Variants in SQSTM1 observed in about 807,000 individuals in gnomAD.
The protein encoded by SQSTM1 is sequestosome-1.
A neutral mutation model predicts 45.1 loss-of-function variants in SQSTM1; 36 were observed. That is an observed-to-expected ratio of 0.80 (90% confidence interval 0.61 to 1.05). SQSTM1 has a LOEUF of 1.05. Among genes scored for constraint, SQSTM1 ranks in the 50% least tolerant of loss-of-function variants. SQSTM1 has a pLI of 0.00. For missense variants in SQSTM1, 617 were observed against 607.1 expected (o/e 1.02, Z -0.17); for synonymous variants, 290 against 244.3 (o/e 1.19, Z -1.74).
rs1455632031 is a variant in SQSTM1 at position 179,836,426 on chromosome 5, G to C, written c.1166-10G>C. The C allele has an allele frequency of 6.2e-7, 1 of 1,614,162 alleles. No individual in the cohort carries two copies. Among genetic ancestry groups the C allele is most frequent in the Non-Finnish European group, 8.5e-7 (1 of 1,180,036 alleles). ...CACCACTCCTCATGGCTTCCTTACT[G>C]TTTCGGCAGAGGCTGACCCGCGGCT... On this transcript the variant is annotated splice_polypyrimidine_tract_variant and intron_variant, in intron 7 of 7. Coordinates refer to ENST00000389805, the MANE Select transcript of SQSTM1 (RefSeq NM_003900.5).
At position 179,833,035 on chromosome 5, in the gene SQSTM1, T is replaced by C. The variant is rs753016349; in HGVS notation, c.758T>C (p.Ile253Thr). The change falls in exon 6 of 8, where the codon ATT (isoleucine) becomes ACT (threonine). Residue 253 changes from isoleucine (I) to threonine (T), a missense_variant. By Grantham distance (89) the Ile-to-Thr change is moderately conservative (BLOSUM62 -1). Transcript: ENST00000389805. ...SVAAALSPLGIEVDIDVEHGG... is the reference protein window; with the variant it reads ...SVAAALSPLGTEVDIDVEHGG... ...CTCTTTCCTCCTCCGCCTCTAGGCA[T>C]TGAAGTTGATATCGATGTGGAGCAC... is the stretch of plus-strand genomic sequence containing the variant. The C allele has an allele frequency of 6.2e-6, 10 of 1,614,028 alleles. No homozygotes were observed. The highest frequency in any genetic ancestry group is 2.2e-5 in the East Asian group (1 of 44,872).
chr5:179,812,274 G>A (rs1393294158), intron 2 of SQSTM1: 2 of 152,208 alleles, frequency 1.3e-5, no homozygotes, highest in African/African-American at 4.8e-5. Context: ...TGGGTGCCTC[G>A]GGCTCCTTCC....
upstream of SQSTM1, among the ~76,000 whole-genome samples, chr5:179,817,137 G>T (rs930319209): frequency 6.6e-6 from 1 of 152,136 alleles, no homozygotes; most frequent in Admixed American, 6.5e-5. Context: ...TCGCCGCTCG[G>T]GTGGGGTGGG....
At chr5:179,822,301 G>A (rs1327579055) in intron 1 of SQSTM1, among the ~76,000 whole-genome samples, 1 of 152,154 alleles carries the variant, frequency 6.6e-6, no homozygotes, top group South Asian at 2.1e-4. Flanking sequence ...GTGTGGACAG[G>A]CCATGTTTTG....
chr5:179,806,507 G>T lies in SQSTM1; in HGVS notation c.-241G>T. ...CTCACCTTTCTGGCCGCTGAGTGCC[G>T]CGTACCAGGACAGCGAGAGGAAGGC... On this transcript the variant is annotated 5_prime_UTR_variant, in exon 1 of 6. Transcript: ENST00000514093. This position sits in a 1 kb window ranked among gnomAD's most constrained non-coding sequence, Gnocchi z 4.6. 7.5e-7 allele frequency: 1 copy of T among 1,325,718 alleles called. No homozygotes were observed. Among genetic ancestry groups the T allele is most frequent in the Non-Finnish European group, 9.9e-7 (1 of 1,012,436 alleles). The allele number at this position is 1,325,718 out of a possible 1,614,324, so 82.1% of individuals were successfully genotyped here. A position where few individuals can be genotyped will look rare whatever the true frequency, so the allele number is the denominator to read the frequency against.
At chr5:179,832,731 T>C (rs960686355) in intron 5 of SQSTM1, among the ~76,000 whole-genome samples, 1 of 152,196 alleles carries the variant, frequency 6.6e-6, no homozygotes, top group African/African-American at 2.4e-5. Flanking sequence ...TCCAGTATCA[T>C]GGGCCCACCA....
Position 179,821,752 on chromosome 5 carries a change from C to T in SQSTM1, c.205+611C>T, listed in dbSNP as rs553620900. ...CCATTGGCAAGTGGACGAGAACGTT[C>T]TTCAGAAGTGTTGGTGTTGGCACAG... On this transcript the variant is annotated intron_variant, in intron 1 of 7. Transcript: ENST00000389805. 118 of 326,666 alleles carry T rather than the reference C, an allele frequency of 3.6e-4. 1 individual carries two copies. Among genetic ancestry groups the T allele is most frequent in the African/African-American group, 1.8e-3 (79 of 43,360 alleles). The allele number at this position is 326,666 out of a possible 1,614,324, so 20.2% of individuals were successfully genotyped here.
chr5:179,822,847 T>G, intron 1 of SQSTM1, 111 bp from the exon 2 acceptor site: 2 of 905,492 alleles, frequency 2.2e-6, no homozygotes, highest in Non-Finnish European at 3.6e-6. Context: ...GTAGGTGTGT[T>G]TGTTTATAGC....
Position 179,837,905 on chromosome 5 carries a change from T to G in SQSTM1, c.*1312T>G. 1.3e-6 allele frequency: 2 copies of G among 1,595,110 alleles called. No individual in the cohort carries two copies. Among genetic ancestry groups the G allele is most frequent in the South Asian group, 1.1e-5 (1 of 90,732 alleles). On this transcript the variant is annotated 3_prime_UTR_variant, in exon 8 of 8. Coordinates refer to ENST00000389805, the MANE Select transcript of SQSTM1 (RefSeq NM_003900.5). ...CTGTCCCTGAAAGAGAAGATGGCCA[T>G]GCCCTCCATGTGTAAGAACAATGCC... is the stretch of plus-strand genomic sequence containing the variant.
At chr5:179,824,458 A>T (rs1023972667) in intron 4 of SQSTM1, 135 bp downstream of exon 4, 1 of 1,327,756 alleles carries the variant, frequency 7.5e-7, no homozygotes, top group Non-Finnish European at 1.1e-6. Context: ...CTACAATCAC[A>T]CAAGAACCCT....
At position 179,834,051 on chromosome 5, in the gene SQSTM1, C is replaced by T. The variant is rs74992138; in HGVS notation, c.1165+269C>T. 1.1e-3 allele frequency among the ~76,000 whole-genome samples: 168 copies of T among 151,504 alleles called. No homozygotes were observed. In the Middle Eastern group the frequency reaches 0.014, roughly 12 times the overall value. ...AATTGTAGGAGTTTCTAAAACTTAACATGCAGACCAGGAATTAAGGCAGGT... is the reference window on the plus strand; with the variant it reads ...AATTGTAGGAGTTTCTAAAACTTAATATGCAGACCAGGAATTAAGGCAGGT... On this transcript the variant is annotated intron_variant, in intron 7 of 7. Transcript: ENST00000389805.
At chr5:179,822,743 T>C in intron 1 of SQSTM1, 1 of 624,766 alleles carries the variant, frequency 1.6e-6, no homozygotes, top group Non-Finnish European at 3.0e-6. Context: ...TGCATGTGGC[T>C]GTGGTCCAGG....
Position 179,807,122 on chromosome 5 carries a change from A to T in SQSTM1, c.-157+531A>T, listed in dbSNP as rs59066892. ...GCGTGGGCTCGTGCGAGTCGGCCTC[A>T]GGTAAGGCTGGAGTGGGAGTGCAGG... On this transcript the variant is annotated intron_variant, in intron 1 of 5. Coordinates refer to the SQSTM1 transcript ENST00000514093. Among the ~76,000 whole-genome samples, 12,793 of 147,908 alleles carry T rather than the reference A, an allele frequency of 0.086. 762 individuals are homozygous for T. Among genetic ancestry groups the T allele is most frequent in the Admixed American group, 0.18 (2,649 of 15,076 alleles).
At position 179,822,979 on chromosome 5, in the gene SQSTM1, C is replaced by G; in HGVS notation, c.227C>G (p.Ala76Gly). Reference sequence around the variant, plus strand: ...CTAGATGAGGACGGGGACTTGGTTGCCTTTTCCAGTGACGAGGAATTGACA... The same window carrying G: ...CTAGATGAGGACGGGGACTTGGTTGGCTTTTCCAGTGACGAGGAATTGACA... ...HYRDEDGDLVAFSSDEELTMA... is the reference protein window; with the variant it reads ...HYRDEDGDLVGFSSDEELTMA... The change falls in exon 2 of 8, where the codon GCC becomes GGC. Residue 76 changes from alanine to glycine, a missense_variant. By Grantham distance (60) the Ala-to-Gly change is moderately conservative. Coordinates refer to ENST00000389805, the MANE Select transcript of SQSTM1 (RefSeq NM_003900.5). 1 of 1,614,122 alleles carries G rather than the reference C, an allele frequency of 6.2e-7. No individual in the cohort carries two copies. The highest frequency in any genetic ancestry group is 8.5e-7 in the Non-Finnish European group (1 of 1,180,022).
At chr5:179,824,153 G>A (rs1393613381) in intron 3 of SQSTM1, 29 bp from the exon 4 acceptor site, 1 of 1,613,554 alleles carries the variant, frequency 6.2e-7, no homozygotes, top group Admixed American at 1.7e-5. Flanking sequence ...CCCGCTCACT[G>A]CCTGCCGCTC....
At chr5:179,827,498 A>T (rs919733362) in intron 5 of SQSTM1, among the ~76,000 whole-genome samples, 2 of 151,762 alleles carry the variant, frequency 1.3e-5, no homozygotes, top group African/African-American at 4.8e-5. Flanking sequence ...GTTGGCCAGG[A>T]TGGTCTCGAT....
At chr5:179,812,609 A>G (rs1757461452) in intron 2 of SQSTM1, 2 of 152,200 alleles carry the variant, frequency 1.3e-5, no homozygotes, top group African/African-American at 4.8e-5. Context: ...TGTCGAGGCC[A>G]TTTTTGGCCC....
At chr5:179,819,677 C>T (rs1004810401), upstream of SQSTM1, among the ~76,000 whole-genome samples, 3 of 152,244 alleles carry the variant, frequency 2.0e-5, no homozygotes, top group Non-Finnish European at 2.9e-5. Flanking sequence ...AAGGCAGTGG[C>T]TCCAGCAGGC....
At chr5:179,820,894 C>G (rs775932317), upstream of SQSTM1, 13 of 1,451,502 alleles carry the variant, frequency 9.0e-6, no homozygotes, top group Admixed American at 2.3e-5. Context: ...CGCGCGGCGG[C>G]TGCGACCGGG....
Sources: gnomAD v4.1 joint callset for allele counts (sites outside exome capture counted in the v4.1 genomes callset) on GRCh38, gnomAD v4.1.1 for gene constraint, Gnocchi (gnomAD v3.1) non-coding constraint, MANE v1.5 for transcripts, NCBI Gene and HGNC (gene_info 2026-07-23, HGNC 2026-07-21) for gene names.